The following PIGL variants were observed in gnomAD, a reference collection of about 807,000 sequenced individuals.
PIGL encodes the protein N-acetylglucosaminyl-phosphatidylinositol de-N-acetylase.
PIGL carries 22 observed loss-of-function variants against 31.1 expected under a neutral mutation model. The ratio of observed to expected loss-of-function variants is 0.71; its 90% confidence interval spans 0.51 to 1.01. The LOEUF (loss-of-function observed/expected upper bound fraction) is 1.01, where lower values mean the gene tolerates loss of function less well. PIGL is among the 50% of genes least tolerant of loss of function. PIGL has a pLI of 0.00. For missense variants in PIGL, 302 were observed against 315.9 expected, an observed-to-expected ratio of 0.96 and a Z score of 0.33; for synonymous variants, 131 against 117.4, an observed-to-expected ratio of 1.12 and a Z score of -0.75.
At chr17:16,230,737 C>T (rs2092675075) in intron 1 of PIGL, among the ~76,000 whole-genome samples, 1 of 151,944 alleles carries the variant, frequency 6.6e-6, no homozygotes, top group Non-Finnish European at 1.5e-5. Flanking sequence ...CCTGCCTCAG[C>T]CTCCCAAGTA....
intron 1 of PIGL, among the ~76,000 whole-genome samples, chr17:16,225,735 A>G (rs2092649510): frequency 6.6e-6 from 1 of 152,008 alleles, no homozygotes. Context: ...CCAGGTAGCT[A>G]AGGGCACTAC....
chr17:16,219,484 A>G (rs539567689), intron 1 of PIGL, among the ~76,000 whole-genome samples: 1 of 152,278 alleles, frequency 6.6e-6, no homozygotes, highest in East Asian at 1.9e-4. Context: ...TCTAAAATTT[A>G]TGCTCTGTTA....
At chr17:16,219,386 T>C (rs2092615553) in intron 1 of PIGL, among the ~76,000 whole-genome samples, 1 of 152,008 alleles carries the variant, frequency 6.6e-6, no homozygotes, top group Non-Finnish European at 1.5e-5. Context: ...TTAATTTGTT[T>C]AGTATCTTCT....
intron 3 of PIGL, among the ~76,000 whole-genome samples, chr17:16,309,992 C>T (rs2093042020): frequency 6.8e-6 from 1 of 147,050 alleles, no homozygotes; most frequent in African/African-American, 2.5e-5. Flanking sequence ...GTGAGAGAAT[C>T]TCTTGAACCC....
intron 2 of PIGL, among the ~76,000 whole-genome samples, chr17:16,245,820 A>AT (rs35458445): frequency 0.37 from 51,716 of 140,568 alleles, 10,849 homozygotes; most frequent in Non-Finnish European, 0.47. Flanking sequence ...ATATATATAT[A>AT]TTTTTTTTTG....
chr17:16,261,178 G>C (rs922502017), intron 2 of PIGL, among the ~76,000 whole-genome samples: 1 of 151,114 alleles, frequency 6.6e-6, no homozygotes, highest in African/African-American at 2.4e-5. Context: ...CCCTCTGCTT[G>C]CCACATTCCC....
At chr17:16,311,205 C>T (rs1285137550) in intron 3 of PIGL, among the ~76,000 whole-genome samples, 1 of 152,002 alleles carries the variant, frequency 6.6e-6, no homozygotes, top group Non-Finnish European at 1.5e-5. Context: ...ATCATTCTAT[C>T]CTTTCTTCAG....
At position 16,272,360 on chromosome 17, in the gene PIGL, A is replaced by G. The variant is rs530808137; in HGVS notation, c.336-27528A>G. On this transcript the variant is annotated intron_variant, in intron 2 of 6. Transcript: ENST00000225609. ...TCTGACCTATGCCATGTAATCTGTT[A>G]TAGTCATAGCATGCCTTCCTGGAAA... Among the ~76,000 whole-genome samples the G allele has an allele frequency of 3.3e-5, 5 of 152,344 alleles. No homozygotes were observed. In the East Asian group the frequency reaches 9.6e-4, roughly 29 times the overall value.
chr17:16,289,108 T>C lies in PIGL; in HGVS notation c.336-10780T>C, dbSNP rs541588765. ...GCTGAGAAGGTCAGGTGAGATAAAC[T>C]GTATGGACTGGAATTCTGATTTGAG... On this transcript the variant is annotated intron_variant, in intron 2 of 6. Coordinates refer to ENST00000225609, the MANE Select transcript of PIGL (RefSeq NM_004278.4). Among the ~76,000 whole-genome samples, 11 of 148,412 alleles carry C rather than the reference T, an allele frequency of 7.4e-5. No individual in the cohort carries two copies. The East Asian group carries it at 2.2e-3, about 29-fold the overall frequency.
chr17:16,217,602 C>CTTTTTTAATG, intron 1 of PIGL, 141 bp downstream of exon 1: 18 of 677,018 alleles, frequency 2.7e-5, no homozygotes, highest in South Asian at 9.7e-5. Flanking sequence ...GAACCCCTCA[C>CTTTTTTAATG]AGCCTAGGGA....
chr17:16,316,771 A>G (rs2093079106), intron 5 of PIGL, 59 bp downstream of exon 5: 1 of 1,600,360 alleles, frequency 6.2e-7, no homozygotes, highest in Non-Finnish European at 8.6e-7. Flanking sequence ...GAAACTTATG[A>G]GGGGGAAATT....
intron 3 of PIGL, among the ~76,000 whole-genome samples, chr17:16,304,833 C>T (rs1474559181): frequency 3.3e-5 from 5 of 152,148 alleles, no homozygotes; most frequent in Non-Finnish European, 7.3e-5. Flanking sequence ...TTAGTCCCTG[C>T]TCCCATAGAG....
At chr17:16,317,511 C>G (rs1824999660) in intron 5 of PIGL, 13 of 1,208,130 alleles carry the variant, frequency 1.1e-5, no homozygotes, top group Non-Finnish European at 1.3e-5. Flanking sequence ...GTAGCCAGAT[C>G]TCAACCTCTA....
chr17:16,254,899 G>C (rs1050056917), intron 2 of PIGL, among the ~76,000 whole-genome samples: 2 of 152,192 alleles, frequency 1.3e-5, no homozygotes, highest in Non-Finnish European at 2.9e-5. Context: ...ACCATGCCTG[G>C]CCCATATACA....
intron 2 of PIGL, chr17:16,282,101 C>T (rs565601827): frequency 5.4e-5 from 27 of 504,064 alleles, no homozygotes; most frequent in African/African-American, 5.2e-4. Flanking sequence ...GAGAATAATT[C>T]ACCCTACAGA....
Position 16,237,692 on chromosome 17 carries a change from G to A in PIGL, c.335+3622G>A, listed in dbSNP as rs1052812807. ...GGCATGCCCGAAATCCCAACTACTT[G>A]GGTGACTGAGGTGAGAGGATCACCT... is the stretch of plus-strand genomic sequence containing the variant. On this transcript the variant is annotated intron_variant, in intron 2 of 6. Transcript: ENST00000225609. Among the ~76,000 whole-genome samples, 4 of 150,864 alleles carry A rather than the reference G, an allele frequency of 2.7e-5. No homozygotes were observed. The East Asian group carries it at 7.9e-4, about 30-fold the overall frequency.
At chr17:16,273,288 G>C (rs1164055985) in intron 2 of PIGL, among the ~76,000 whole-genome samples, 2 of 152,150 alleles carry the variant, frequency 1.3e-5, no homozygotes, top group Non-Finnish European at 1.5e-5. Flanking sequence ...AATTAGCCAG[G>C]TGCATTCCAT....
intron 6 of PIGL, among the ~76,000 whole-genome samples, chr17:16,321,797 T>C (rs2093107193): frequency 6.6e-6 from 1 of 151,986 alleles, no homozygotes; most frequent in Non-Finnish European, 1.5e-5. Flanking sequence ...TTATGGTTTT[T>C]TTTTGAGACG....
intron 2 of PIGL, chr17:16,279,613 T>C (rs2092908720): frequency 6.6e-6 from 1 of 152,240 alleles, no homozygotes. Flanking sequence ...AAATTCTTCC[T>C]ATTGTACCTA....
Sources: gnomAD v4.1 joint callset for allele counts (sites outside exome capture counted in the v4.1 genomes callset) on GRCh38, gnomAD v4.1.1 for gene constraint, MANE v1.5 for transcripts, NCBI Gene and HGNC (gene_info 2026-07-23, HGNC 2026-07-21) for gene names.